APC2: variants seen among roughly 807,000 people sequenced by gnomAD.
The protein encoded by APC2 is APC regulator of Wnt signaling pathway 2.
A neutral mutation model predicts 72.5 loss-of-function variants in APC2; 41 were observed. That is an observed-to-expected ratio of 0.57 (90% CI 0.44 to 0.73). The LOEUF (loss-of-function observed/expected upper bound fraction) is 0.73, where lower values mean the gene tolerates loss of function less well. Ranked by LOEUF, APC2 falls within the 30% of genes least tolerant of loss-of-function variation. The pLI is 0.00. For missense variants in APC2, 3,729 were observed against 3,403.4 expected (o/e 1.10, Z -2.38); for synonymous variants, 1,898 against 1,612.0 (o/e 1.18, Z -4.25).
At chr19:1,460,937 G>A in intron 12 of APC2, 80 bp downstream of exon 12, 6 of 1,594,468 alleles carry the variant, frequency 3.8e-6, no homozygotes, top group Non-Finnish European at 5.2e-6. Context: ...TGGTGGGCTG[G>A]CAGGGGTGTC....
chr19:1,467,949 G>A lies in APC2; in HGVS notation c.4648G>A (p.Ala1550Thr). The change falls in exon 15 of 15, where the codon GCC becomes ACC. Residue 1550 changes from alanine (A) to threonine (T), a missense_variant. Physicochemically the swap from Ala to Thr is moderately conservative, Grantham distance 58 (BLOSUM62 0). Transcript: ENST00000590469. ...TCCGCAGGGCCGGAAGGAGGCCCCT[G>A]CCCCGTCCAAGGCTGCACCAGCTGC... ...ERPQGRKEAP[A>T]PSKAAPAAPP... The A allele has an allele frequency of 6.3e-7, 1 of 1,586,846 alleles. No individual in the cohort carries two copies. The highest frequency in any genetic ancestry group is 1.4e-5 in the African/African-American group (1 of 73,114).
rs965337052 is a variant in APC2 at position 1,467,333 on chromosome 19, G to C, written c.4032G>C (p.Arg1344=). The part of the protein sequence containing the change: ...GAADQELELL[R]ECLGAAVPAR... ...CGGACCAGGAGCTGGAACTGCTGCG[G>C]GAGTGCCTGGGAGCCGCCGTGCCTG... The change falls in exon 15 of 15, where the codon CGG becomes CGC. Residue 1344 remains arginine (R), a synonymous_variant. Coordinates refer to ENST00000590469, the MANE Select transcript of APC2 (RefSeq NM_005883.3). 8.4e-6 allele frequency: 12 copies of C among 1,424,498 alleles called. No homozygotes were observed. The Admixed American group carries it at 2.8e-4, about 33-fold the overall frequency. The allele number at this position is 1,424,498 out of a possible 1,614,324, so 88.2% of individuals were successfully genotyped here.
rs949988240 is a variant in APC2 at position 1,469,894 on chromosome 19, C to T, written c.6593C>T (p.Ala2198Val). The T allele has an allele frequency of 5.3e-6, 8 of 1,523,356 alleles. No individual in the cohort carries two copies. The African/African-American group carries it at 7.0e-5, about 13-fold the overall frequency. 94.4% of individuals were successfully genotyped at this position (1,523,356 alleles called of 1,614,324 possible). A position where few individuals can be genotyped will look rare whatever the true frequency, so the allele number is the denominator to read the frequency against. ...GTGGTCCAGACCGAGGAGGTCGCCG[C>T]CCCCAAGACCAACTCCAGCACGTCC... ...DAVVQTEEVA[A>V]PKTNSSTSPS... The change falls in exon 15 of 15, where the codon GCC becomes GTC. Residue 2198 changes from alanine (A) to valine (V), a missense_variant. Physicochemically the swap from Ala to Val is moderately conservative, Grantham distance 64. Transcript: ENST00000590469.
chr19:1,466,711 T>C lies in APC2; in HGVS notation c.3410T>C (p.Leu1137Pro), dbSNP rs770209279. ...PAPRRNRGRG[L>P]GVEDATPSSS... The stretch of plus-strand genomic sequence containing the variant: ...CCCCGGCGTAACCGAGGCCGGGGCC[T>C]GGGGGTGGAAGACGCCACGCCGTCC... Residue 1137 changes from leucine to proline, a missense_variant, in exon 15 of 15, where the codon CTG becomes CCG. By Grantham distance (98) the Leu-to-Pro change is moderately conservative. Transcript: ENST00000590469. The C allele has an allele frequency of 1.0e-5, 16 of 1,531,286 alleles. No individual in the cohort carries two copies. The highest frequency in any genetic ancestry group is 9.7e-6 in the Non-Finnish European group (11 of 1,137,012). The allele number at this position is 1,531,286 out of a possible 1,614,324, so 94.9% of individuals were successfully genotyped here.
chr19:1,467,993 C>T lies in APC2; in HGVS notation c.4692C>T (p.Thr1564=). The part of the protein sequence containing the change: ...AAPAAPPPAR[T]QPSLIADETP... The stretch of plus-strand genomic sequence containing the variant: ...CAGCTGCCCCGCCGCCCGCCCGGAC[C>T]CAGCCCAGCCTCATTGCTGACGAGA... The change falls in exon 15 of 15, where the codon ACC becomes ACT. Residue 1564 remains threonine, a synonymous_variant. Coordinates refer to ENST00000590469, the MANE Select transcript of APC2 (RefSeq NM_005883.3). The T allele has an allele frequency of 6.3e-7, 1 of 1,583,310 alleles. No individual in the cohort carries two copies. Among genetic ancestry groups the T allele is most frequent in the Non-Finnish European group, 8.5e-7 (1 of 1,173,834 alleles).
Position 1,452,682 on chromosome 19 carries a change from C to G in APC2, c.-18-302C>G, listed in dbSNP as rs1380322822. The G allele has an allele frequency of 2.9e-6, 1 of 348,414 alleles. No individual in the cohort carries two copies. The highest frequency in any genetic ancestry group is 5.4e-6 in the Non-Finnish European group (1 of 185,312). The allele number at this position is 348,414 out of a possible 1,614,324, so 21.6% of individuals were successfully genotyped here. A position where few individuals can be genotyped will look rare whatever the true frequency, so the allele number is the denominator to read the frequency against. ...TGTCCTGGGGGCTGGGAAGGAGAGG[C>G]CGACCCATCGTCTGTCGGTCGACTG... On this transcript the variant is annotated intron_variant, in intron 1 of 14. Transcript: ENST00000590469. This position sits in a 1 kb window ranked among gnomAD's most constrained non-coding sequence, Gnocchi z 5.1.
Position 1,465,590 on chromosome 19 carries a change from C to T in APC2, c.2289C>T (p.His763=). 6.3e-7 allele frequency: 1 copy of T among 1,581,584 alleles called. No homozygotes were observed. Among genetic ancestry groups the T allele is most frequent in the Non-Finnish European group, 8.6e-7 (1 of 1,165,674 alleles). Residue 763 remains histidine, a synonymous_variant, in exon 15 of 15, where the codon CAC becomes CAT. Coordinates refer to ENST00000590469, the MANE Select transcript of APC2 (RefSeq NM_005883.3). ...AGAAGCCGCTGCCGCCCCTGCGACACCTGGACGGCCTGGCCCAAGACTATG... is the reference window on the plus strand; with the variant it reads ...AGAAGCCGCTGCCGCCCCTGCGACATCTGGACGGCCTGGCCCAAGACTATG... ...ATKKPLPPLR[H]LDGLAQDYAS...
rs1236345535 is a variant in APC2 at position 1,460,206 on chromosome 19, G to A, written c.1329G>A (p.Leu443=). Residue 443 remains leucine, a synonymous_variant, in exon 11 of 15, where the codon CTG becomes CTA. Transcript: ENST00000590469. ...GTGGGCTGCAGGCCGTGGCAGAGCTGCTGCAGGTTGACTATGAGATGCACA... is the reference window on the plus strand; with the variant it reads ...GTGGGCTGCAGGCCGTGGCAGAGCTACTGCAGGTTGACTATGAGATGCACA... The part of the protein sequence containing the change: ...ELGGLQAVAE[L]LQVDYEMHKM... 1 of 1,613,500 alleles carries A rather than the reference G, an allele frequency of 6.2e-7. No homozygotes were observed. The highest frequency in any genetic ancestry group is 1.1e-5 in the South Asian group (1 of 91,090).
chr19:1,446,651 G>A (rs1430547705), upstream of APC2, among the ~76,000 whole-genome samples: 4 of 152,102 alleles, frequency 2.6e-5, no homozygotes, highest in African/African-American at 9.7e-5. The surrounding 1 kb of genome is among the most constrained non-coding windows in gnomAD (Gnocchi z 6.1). Flanking sequence ...TCCTCACTGC[G>A]CCGACGCGGA....
intron 14 of APC2, among the ~76,000 whole-genome samples, chr19:1,463,398 A>G (rs186772061): frequency 6.8e-6 from 1 of 147,916 alleles, no homozygotes; most frequent in African/African-American, 2.6e-5. Context: ...AGCCTGGGCG[A>G]CAGAGGGGAC....
chr19:1,466,079 C>A lies in APC2; in HGVS notation c.2778C>A (p.Ser926Arg). 1 of 1,527,988 alleles carries A rather than the reference C, an allele frequency of 6.5e-7. No individual in the cohort carries two copies. Among genetic ancestry groups the A allele is most frequent in the Non-Finnish European group, 8.7e-7 (1 of 1,146,834 alleles). The allele number at this position is 1,527,988 out of a possible 1,614,324, so 94.7% of individuals were successfully genotyped here. Residue 926 changes from serine (S) to arginine (R), a missense_variant, in exon 15 of 15, where the codon AGC becomes AGA. Transcript: ENST00000590469. Reference protein sequence around the residue: ...KAAHASLSNDSLNSGSASDGY... With the variant: ...KAAHASLSNDRLNSGSASDGY... Reference sequence around the variant, plus strand: ...CCCACGCCAGCCTCTCCAACGACAGCCTCAACAGCGGCAGTGCCAGCGACG... The same window carrying A: ...CCCACGCCAGCCTCTCCAACGACAGACTCAACAGCGGCAGTGCCAGCGACG...
At chr19:1,463,359 AGTGAG>A (rs2083956625) in intron 14 of APC2, among the ~76,000 whole-genome samples, 1 of 150,842 alleles carries the variant, frequency 6.6e-6, no homozygotes, top group South Asian at 2.1e-4. Flanking sequence ...CGGAGGCTGC[AGTGAG>A]GTGAGATCAC....
intron 14 of APC2, among the ~76,000 whole-genome samples, chr19:1,463,910 C>T (rs1017941196): frequency 3.3e-5 from 5 of 152,174 alleles, no homozygotes; most frequent in African/African-American, 9.7e-5. Context: ...CGCGGTGGCT[C>T]ACGCCTGTAA....
chr19:1,453,759 A>C, intron 4 of APC2, 148 bp downstream of exon 4: 4 of 1,096,882 alleles, frequency 3.6e-6, no homozygotes, highest in Non-Finnish European at 3.8e-6. Context: ...CCACCGAACA[A>C]CCCCGCCCAC....
intron 10 of APC2, 36 bp downstream of exon 10, chr19:1,458,096 A>C: frequency 2.0e-6 from 3 of 1,537,118 alleles, no homozygotes; most frequent in Non-Finnish European, 2.6e-6. Flanking sequence ...GCCATCCTCC[A>C]GCCCCCGAAC....
At chr19:1,456,461 A>T in intron 8 of APC2, 57 bp downstream of exon 8, 1 of 1,480,684 alleles carries the variant, frequency 6.8e-7, no homozygotes. Flanking sequence ...AAGGGGGATC[A>T]GGTCTGCATC....
Position 1,465,236 on chromosome 19 carries a change from G to C in APC2, c.1935G>C (p.Ala645=), listed in dbSNP as rs997490343. The change falls in exon 15 of 15, where the codon GCG becomes GCC. Residue 645 remains alanine, a synonymous_variant. Transcript: ENST00000590469. ...ACAGCCTGACCATCGTGAGCAACGC[G>C]TGCGGCACGCTCTGGAACCTGTCGG... The part of the protein sequence containing the change: ...TSHSLTIVSN[A]CGTLWNLSAR... The C allele has an allele frequency of 3.1e-6, 5 of 1,610,280 alleles. No homozygotes were observed. The South Asian group carries it at 3.3e-5, about 11-fold the overall frequency.
At chr19:1,457,899 A>T (rs1360417682) in intron 9 of APC2, 66 bp from the exon 10 acceptor site, 3 of 797,208 alleles carry the variant, frequency 3.8e-6, no homozygotes, top group Non-Finnish European at 3.5e-6. Context: ...GGGTTGCGGG[A>T]CCTTCGGGAG....
intron 9 of APC2, 50 bp from the exon 10 acceptor site, chr19:1,457,907 GAGTCACCT>G: frequency 6.8e-7 from 1 of 1,469,646 alleles, no homozygotes; most frequent in Admixed American, 2.0e-5. Flanking sequence ...GGACCTTCGG[GAGTCACCT>G]GGGACATTTC....
Sources: gnomAD v4.1 joint callset for allele counts (sites outside exome capture counted in the v4.1 genomes callset) on GRCh38, gnomAD v4.1.1 for gene constraint, Gnocchi (gnomAD v3.1) non-coding constraint, MANE v1.5 for transcripts, NCBI Gene and HGNC (gene_info 2026-07-23, HGNC 2026-07-21) for gene names.